Variants in PLEC observed in about 807,000 individuals in gnomAD.
PLEC encodes plectin, also known as hemidesmosomal protein 1.
In PLEC, 216 loss-of-function variants were observed where a neutral mutation model predicts 392.8. That is an observed-to-expected ratio of 0.55 (90% CI 0.49 to 0.62). The LOEUF is 0.62. Ranked by LOEUF, PLEC falls within the 20% of genes least tolerant of loss-of-function variation. The pLI, the probability that PLEC is intolerant of heterozygous loss-of-function variation, is 0.00. For missense variants in PLEC, 6,863 were observed against 6,563.4 expected (o/e 1.05, Z -1.58); for synonymous variants, 3,621 against 2,980.6 (o/e 1.21, Z -7.00).
In PLEC at chr8:143,927,040, C is replaced by G. The variant is rs1554706507; in HGVS notation, c.3882G>C (p.Glu1294Asp). The part of the protein sequence containing the change: ...LQLVTYKAQL[E>D]PVASPAKKPK... ...GCTTCTTGGCCGGGGAGGCCACCGG[C>G]TCAAGCTGCGCCTTGTACGTCACCA... is the stretch of plus-strand genomic sequence containing the variant. Residue 1294 changes from glutamate (E) to aspartate (D), a missense_variant, in exon 29 of 32, where the codon GAG becomes GAC. Physicochemically the swap from Glu to Asp is conservative, Grantham distance 45. Coordinates refer to ENST00000345136, the MANE Select transcript of PLEC (RefSeq NM_201384.3). The G allele has an allele frequency of 6.2e-7, 1 of 1,612,518 alleles. No individual in the cohort carries two copies. Among genetic ancestry groups the G allele is most frequent in the South Asian group, 1.1e-5 (1 of 91,088 alleles).
intron 17 of PLEC, 46 bp from the exon 18 acceptor site, chr8:143,932,078 G>A (rs1204332420): frequency 6.4e-7 from 1 of 1,563,054 alleles, no homozygotes; most frequent in East Asian, 2.3e-5. Context: ...GCCCCGCCTG[G>A]GGACCCGGCA....
rs1190619991 is a variant in PLEC, at chr8:143,950,775, G to T, written c.-69C>A. ...GCAGGGTACCACGAGAAGGCCCGGGGCGCTGCGAGAAGCTCCCGCGCTACA... is the reference window on the plus strand; with the variant it reads ...GCAGGGTACCACGAGAAGGCCCGGGTCGCTGCGAGAAGCTCCCGCGCTACA... On this transcript the variant is annotated 5_prime_UTR_variant, in exon 1 of 32. Transcript: ENST00000322810. 2.6e-6 allele frequency: 4 copies of T among 1,531,546 alleles called. No individual in the cohort carries two copies. In the African/African-American group the frequency reaches 5.5e-5, roughly 21 times the overall value. The allele number at this position is 1,531,546 out of a possible 1,614,324, so 94.9% of individuals were successfully genotyped here.
rs782039716 is a variant in PLEC, at chr8:143,925,031, C to T, written c.4898G>A (p.Arg1633His). 3.0e-5 allele frequency: 47 copies of T among 1,562,582 alleles called. No homozygotes were observed. Among genetic ancestry groups the T allele is most frequent in the South Asian group, 5.8e-5 (5 of 86,776 alleles). ...AREEAERELE[R>H]WQLKANEALR... Reference sequence around the variant, plus strand: ...CGCCTCGTTGGCCTTGAGCTGCCAGCGCTCCAGCTCCCGCTCTGCCTCCTC... The same window carrying T: ...CGCCTCGTTGGCCTTGAGCTGCCAGTGCTCCAGCTCCCGCTCTGCCTCCTC... The change falls in exon 31 of 32, where the codon CGC becomes CAC. Residue 1633 changes from arginine (R) to histidine (H), a missense_variant. Arg to His is a conservative substitution (Grantham distance 29, BLOSUM62 0). Coordinates refer to ENST00000345136, the MANE Select transcript of PLEC (RefSeq NM_201384.3).
chr8:143,954,844 T>C (rs371555950), upstream of PLEC, among the ~76,000 whole-genome samples: 9 of 152,270 alleles, frequency 5.9e-5, no homozygotes, highest in East Asian at 3.9e-4. The surrounding 1 kb of genome is among the most constrained non-coding windows in gnomAD (Gnocchi z 4.6). Flanking sequence ...CTCCACAAGA[T>C]AGAAGTGACT....
In PLEC at chr8:143,934,814, A is replaced by G. The variant is rs1356838017; in HGVS notation, c.941T>C (p.Ile314Thr). The G allele has an allele frequency of 2.5e-6, 4 of 1,611,564 alleles. No individual in the cohort carries two copies. The highest frequency in any genetic ancestry group is 1.3e-5 in the African/African-American group (1 of 74,910). ...ERRFPSSFEE[I>T]EILWSQFLKF... ...CGCCCCCCACGGCAGGCCCACCTCA[A>G]TCTCCTCGAAGCTGGAGGGGAACCT... is the stretch of plus-strand genomic sequence containing the variant. The change falls in exon 9 of 32, where the codon ATT (isoleucine) becomes ACT (threonine). Residue 314 changes from isoleucine to threonine, a missense_variant. Transcript: ENST00000345136.
chr8:143,973,308 G>T lies in PLEC; in HGVS notation c.70+95C>A. The stretch of plus-strand genomic sequence containing the variant: ...CGAGGCCGGCGGAGTGGCCGCGCTC[G>T]GGCCGGCGATCGGGACCGCCACCGT... On this transcript the variant is annotated intron_variant, in intron 1 of 31. Coordinates refer to the PLEC transcript ENST00000356346. The surrounding 1 kb of genome is among the most constrained non-coding windows in gnomAD (Gnocchi z 5.6). 1 of 1,465,218 alleles carries T rather than the reference G, an allele frequency of 6.8e-7. No homozygotes were observed. Among genetic ancestry groups the T allele is most frequent in the Non-Finnish European group, 9.2e-7 (1 of 1,082,688 alleles). 90.8% of individuals were successfully genotyped at this position (1,465,218 alleles called of 1,614,324 possible). A position where few individuals can be genotyped will look rare whatever the true frequency, so the allele number is the denominator to read the frequency against.
rs1825338171 is a variant in PLEC at position 143,926,781 on chromosome 8, T to C, written c.4044+3A>G. 1 of 1,610,602 alleles carries C rather than the reference T, an allele frequency of 6.2e-7. No individual in the cohort carries two copies. Among genetic ancestry groups the C allele is most frequent in the Non-Finnish European group, 8.5e-7 (1 of 1,177,158 alleles). On this transcript the variant is annotated splice_donor_region_variant and intron_variant, in intron 30 of 31. Transcript: ENST00000345136. Reference sequence around the variant, plus strand: ...TGCCCAGCCTCCGCCCAACGGGCTGTACCTCCTCCTCCTCCATGCGCCGCA... The same window carrying C: ...TGCCCAGCCTCCGCCCAACGGGCTGCACCTCCTCCTCCTCCATGCGCCGCA...
chr8:143,923,994 C>G lies in PLEC; in HGVS notation c.5935G>C (p.Glu1979Gln). Residue 1979 changes from glutamate to glutamine, a missense_variant, in exon 31 of 32, where the codon GAG (glutamate) becomes CAG (glutamine). Transcript: ENST00000345136. ...AARQRQLAAE[E>Q]ERRRREAEER... The stretch of plus-strand genomic sequence containing the variant: ...TCAGCCTCACGGCGCCGCCGCTCCT[C>G]CTCCGCCGCCAGCTGCCGCTGCCTC... 1.9e-6 allele frequency: 3 copies of G among 1,585,878 alleles called. No homozygotes were observed. Among genetic ancestry groups the G allele is most frequent in the Non-Finnish European group, 2.6e-6 (3 of 1,171,852 alleles).
upstream of PLEC, chr8:143,958,846 G>A (rs1270337713): frequency 1.2e-5 from 3 of 259,522 alleles, no homozygotes; most frequent in Non-Finnish European, 2.5e-5. This position sits in a 1 kb window ranked among gnomAD's most constrained non-coding sequence, Gnocchi z 4.9. Flanking sequence ...CACCAGACAC[G>A]AAGGTGTCAC....
At chr8:143,959,054 C>T (rs1832741678) in intron 1 of PLEC, among the ~76,000 whole-genome samples, 2 of 152,194 alleles carry the variant, frequency 1.3e-5, no homozygotes, top group African/African-American at 4.8e-5. Context: ...CGTTAACATG[C>T]AAATAAATGA....
Position 143,921,070 on chromosome 8 carries a change from G to T in PLEC, c.8751C>A (p.Phe2917Leu). 18 of 1,611,850 alleles carry T rather than the reference G, an allele frequency of 1.1e-5. No homozygotes were observed. The highest frequency in any genetic ancestry group is 1.5e-5 in the Non-Finnish European group (18 of 1,180,022). Reference protein sequence around the residue: ...KATVSAPFGKFQGKTVTIWEI... With the variant: ...KATVSAPFGKLQGKTVTIWEI... Reference sequence around the variant, plus strand: ...CCCAAATGGTCACCGTCTTGCCCTGGAACTTGCCGAACGGCGCAGACACGG... The same window carrying T: ...CCCAAATGGTCACCGTCTTGCCCTGTAACTTGCCGAACGGCGCAGACACGG... The change falls in exon 32 of 32, where the codon TTC becomes TTA. Residue 2917 changes from phenylalanine to leucine, a missense_variant. Coordinates refer to ENST00000345136, the MANE Select transcript of PLEC (RefSeq NM_201384.3).
Position 143,926,901 on chromosome 8 carries a change from G to T in PLEC, c.3946-19C>A. On this transcript the variant is annotated intron_variant, in intron 29 of 31. Transcript: ENST00000345136. ...CCACGTACTGTGGAGTAGAGCCAGG[G>T]TTAGCCCTGCGAGAGCTGCAGCTCC... 1 of 1,610,286 alleles carries T rather than the reference G, an allele frequency of 6.2e-7. No homozygotes were observed. Among genetic ancestry groups the T allele is most frequent in the Non-Finnish European group, 8.5e-7 (1 of 1,176,928 alleles).
chr8:143,962,310 G>GGCTA (rs1237094063), intron 1 of PLEC, among the ~76,000 whole-genome samples: 2 of 150,066 alleles, frequency 1.3e-5, no homozygotes, highest in African/African-American at 5.1e-5. Context: ...AGAGGCAGGC[G>GGCTA]GCTATTCCTA....
At chr8:143,945,396 G>A (rs1486507808) in intron 1 of PLEC, 3 of 321,898 alleles carry the variant, frequency 9.3e-6, no homozygotes, top group Non-Finnish European at 1.9e-5. Context: ...TCAGAGAGCC[G>A]GGCCACAGGC....
upstream of PLEC, among the ~76,000 whole-genome samples, chr8:143,956,564 G>A (rs545351948): frequency 1.3e-5 from 2 of 152,144 alleles, no homozygotes; most frequent in Admixed American, 1.3e-4. Context: ...AGACTGACTC[G>A]AAAACAAACA....
At chr8:143,931,213 T>C (rs981132848) in intron 19 of PLEC, among the ~76,000 whole-genome samples, 1 of 152,198 alleles carries the variant, frequency 6.6e-6, no homozygotes. Context: ...TCTGTGGCTA[T>C]GGAGATGGGG....
chr8:143,933,908 G>A, intron 12 of PLEC, 90 bp downstream of exon 12: 2 of 1,183,480 alleles, frequency 1.7e-6, no homozygotes, highest in South Asian at 1.3e-5. Flanking sequence ...GGAGCCCAGG[G>A]GGACAGCCCC....
upstream of PLEC, among the ~76,000 whole-genome samples, chr8:143,940,048 T>C (rs1830149370): frequency 6.6e-6 from 1 of 152,156 alleles, no homozygotes; most frequent in Non-Finnish European, 1.5e-5. Flanking sequence ...CGCTGATACC[T>C]GGCGAGGGGA....
At chr8:143,954,873 G>C (rs1466171639), upstream of PLEC, among the ~76,000 whole-genome samples, 1 of 152,198 alleles carries the variant, frequency 6.6e-6, no homozygotes, top group Non-Finnish European at 1.5e-5. The surrounding 1 kb of genome is among the most constrained non-coding windows in gnomAD (Gnocchi z 4.6). Flanking sequence ...TCAGTCTCCA[G>C]CAAGGCCTTT....
Sources: allele counts gnomAD v4.1 joint callset (sites outside exome capture counted in the v4.1 genomes callset), GRCh38; gene constraint gnomAD v4.1.1; non-coding constraint Gnocchi (gnomAD v3.1); transcripts MANE v1.5; gene names NCBI Gene and HGNC (gene_info 2026-07-23, HGNC 2026-07-21).